The following PCLO variants were observed in gnomAD, a reference collection of about 807,000 sequenced individuals.
PCLO encodes the protein protein piccolo.
Under a neutral mutation model 427.5 loss-of-function variants are expected in PCLO, and 82 were observed. The ratio of observed to expected loss-of-function variants is 0.19; its 90% confidence interval spans 0.16 to 0.23. The LOEUF (loss-of-function observed/expected upper bound fraction) is 0.23. Among genes scored for constraint, PCLO ranks in the 10% least tolerant of loss-of-function variants. PCLO has a pLI of 1.00. For synonymous variants in PCLO, 2,357 were observed against 2,155.4 expected, an observed-to-expected ratio of 1.09 and a Z score of -2.59; for missense variants, 6,239 against 6,115.9, an observed-to-expected ratio of 1.02 and a Z score of -0.67.
chr7:82,978,610 T>C (rs1226974894), intron 3 of PCLO, among the ~76,000 whole-genome samples: 1 of 151,430 alleles, frequency 6.6e-6, no homozygotes, highest in East Asian at 1.9e-4. Context: ...TCATATGTAT[T>C]ATATGCATGA....
At chr7:83,072,096 AC>A (rs200400238) in intron 3 of PCLO, among the ~76,000 whole-genome samples, 3 of 151,960 alleles carry the variant, frequency 2.0e-5, no homozygotes, top group Non-Finnish European at 2.9e-5. Flanking sequence ...TTTCTAAAAA[AC>A]AATTATTTAT....
intron 10 of PCLO, among the ~76,000 whole-genome samples, chr7:82,853,331 C>T (rs1189205730): frequency 1.3e-5 from 2 of 152,150 alleles, no homozygotes; most frequent in East Asian, 3.9e-4. Context: ...TTCTCCAGAT[C>T]CTATTCTATG....
At chr7:82,988,859 A>G (rs1341440453) in intron 3 of PCLO, among the ~76,000 whole-genome samples, 1 of 149,630 alleles carries the variant, frequency 6.7e-6, no homozygotes, top group Non-Finnish European at 1.5e-5. Flanking sequence ...TTTGAGACGG[A>G]GTTTCGCTCT....
At chr7:82,858,094 A>T (rs1421036698) in intron 10 of PCLO, among the ~76,000 whole-genome samples, 1 of 152,186 alleles carries the variant, frequency 6.6e-6, no homozygotes, top group African/African-American at 2.4e-5. Flanking sequence ...TACTGAATTC[A>T]ACAGCGCATT....
At chr7:83,162,302 G>A (rs758972385) in intron 1 of PCLO, 43 bp downstream of exon 1, 1 of 1,543,672 alleles carries the variant, frequency 6.5e-7, no homozygotes, top group East Asian at 2.3e-5. Flanking sequence ...TGCACGGGAA[G>A]CTGTACATAT....
chr7:83,099,383 A>ATTTTTTTTTTTTTTTTTTTTTTTT lies in PCLO; in HGVS notation c.3300+34866_3300+34867insAAAAAAAAAAAAAAAAAAAAAAAA, dbSNP rs1479844135. On this transcript the variant is annotated intron_variant, in intron 3 of 24. Transcript: ENST00000333891. ...ACAAATATGTTTTAACATACAGTAG[A>ATTTTTTTTTTTTTTTTTTTTTTTT]TTTTTTTGTTTTTTTTTTTTTTGAG... Among the ~76,000 whole-genome samples, 2 of 109,840 alleles carry ATTTTTTTTTTTTTTTTTTTTTTTT rather than the reference A, an allele frequency of 1.8e-5. 1 individual carries two copies. The highest frequency in any genetic ancestry group is 3.6e-5 in the Non-Finnish European group (2 of 56,242). The allele number at this position is 109,840 out of a possible 152,430, so 72.1% of individuals were successfully genotyped here.
At chr7:83,066,463 T>C (rs1220606626) in intron 3 of PCLO, among the ~76,000 whole-genome samples, 1 of 152,098 alleles carries the variant, frequency 6.6e-6, no homozygotes, top group Non-Finnish European at 1.5e-5. Context: ...TGAACACACA[T>C]CTATAAATAC....
chr7:82,950,958 T>C lies in PCLO; in HGVS notation c.9630A>G (p.Gln3210=), dbSNP rs1795328784. Residue 3210 remains glutamine, a synonymous_variant, in exon 6 of 25, where the codon CAA becomes CAG. Transcript: ENST00000333891. ...ALLIVPEEDK[Q]QQQLDLEREL... ...CACGCTCCAAGTCTAGCTGCTGCTG[T>C]TGTTTATCTTCTTCAGGGACAATTA... 6.2e-7 allele frequency: 1 copy of C among 1,613,560 alleles called. No individual in the cohort carries two copies. The highest frequency in any genetic ancestry group is 8.5e-7 in the Non-Finnish European group (1 of 1,179,868).
At chr7:82,997,473 C>T (rs1018636247) in intron 3 of PCLO, among the ~76,000 whole-genome samples, 5 of 151,952 alleles carry the variant, frequency 3.3e-5, no homozygotes, top group African/African-American at 1.2e-4. Flanking sequence ...TCTGTCAAAT[C>T]TTAAATAAGT....
rs555281931 is a variant in PCLO at position 83,101,435 on chromosome 7, T to C, written c.3300+32815A>G. Reference sequence around the variant, plus strand: ...CATCACTAGTGATTTACCTACTAATTCTACATAGTTGGATATTCACCAATA... The same window carrying C: ...CATCACTAGTGATTTACCTACTAATCCTACATAGTTGGATATTCACCAATA... On this transcript the variant is annotated intron_variant, in intron 3 of 24. Coordinates refer to ENST00000333891, the MANE Select transcript of PCLO (RefSeq NM_033026.6). 2.0e-5 allele frequency among the ~76,000 whole-genome samples: 3 copies of C among 152,224 alleles called. No individual in the cohort carries two copies. In the East Asian group the frequency reaches 5.8e-4, roughly 29 times the overall value.
chr7:82,835,712 C>T lies in PCLO; in HGVS notation c.14223-19G>A, dbSNP rs748378376. 2.5e-5 allele frequency: 40 copies of T among 1,603,422 alleles called. No individual in the cohort carries two copies. In the East Asian group the frequency reaches 5.8e-4, roughly 23 times the overall value. On this transcript the variant is annotated intron_variant, in intron 15 of 24. Coordinates refer to ENST00000333891, the MANE Select transcript of PCLO (RefSeq NM_033026.6). Reference sequence around the variant, plus strand: ...GACTTGACTGCATTGATTCCAAGAGCGAGAGTGAAGGGGTAAAACAGGAAA... The same window carrying T: ...GACTTGACTGCATTGATTCCAAGAGTGAGAGTGAAGGGGTAAAACAGGAAA...
chr7:82,821,625 G>A (rs950022427), intron 20 of PCLO: 1 of 964,084 alleles, frequency 1.0e-6, no homozygotes, highest in African/African-American at 1.8e-5. Context: ...TTTCACAAAT[G>A]AAATGAAAAT....
At chr7:82,875,176 T>C (rs1241778017) in intron 10 of PCLO, among the ~76,000 whole-genome samples, 1 of 152,168 alleles carries the variant, frequency 6.6e-6, no homozygotes, top group Non-Finnish European at 1.5e-5. Context: ...TTCAAGTACT[T>C]GATTCTCTGA....
intron 20 of PCLO, among the ~76,000 whole-genome samples, chr7:82,806,867 A>C (rs6975132): frequency 0.49 from 74,116 of 151,840 alleles, 18,863 homozygotes; most frequent in East Asian, 0.85. Flanking sequence ...TTGCCACATC[A>C]CCACTCTTCT....
At chr7:83,128,252 G>A (rs926912948) in intron 3 of PCLO, among the ~76,000 whole-genome samples, 1 of 151,966 alleles carries the variant, frequency 6.6e-6, no homozygotes, top group Non-Finnish European at 1.5e-5. Flanking sequence ...GATAAGGTGG[G>A]AGAGTGTAAC....
Position 82,879,401 on chromosome 7 carries a change from A to C in PCLO, c.13590T>G (p.Ile4530Met), listed in dbSNP as rs749861396. 7.4e-6 allele frequency: 12 copies of C among 1,610,862 alleles called. No individual in the cohort carries two copies. Among genetic ancestry groups the C allele is most frequent in the Non-Finnish European group, 1.0e-5 (12 of 1,177,708 alleles). ...GKEIPGHSGE[I>M]GAYIAKILPG... ...GAAGAATCTTGGCAATATAGGCTCCAATTTCTCCACTATGTCCCGGGATTT... is the reference window on the plus strand; with the variant it reads ...GAAGAATCTTGGCAATATAGGCTCCCATTTCTCCACTATGTCCCGGGATTT... The change falls in exon 10 of 25, where the codon ATT (isoleucine) becomes ATG (methionine). Residue 4530 changes from isoleucine to methionine, a missense_variant. By Grantham distance (10) the Ile-to-Met change is conservative. Around this residue, in one of 5 missense-constraint regions of PCLO, gnomAD observed 877 missense variants for 925.5 expected, o/e 0.95. Transcript: ENST00000333891.
chr7:83,032,009 A>G (rs1198112156), intron 3 of PCLO, among the ~76,000 whole-genome samples: 1 of 152,066 alleles, frequency 6.6e-6, no homozygotes, highest in Admixed American at 6.6e-5. Context: ...TAGATGTAGG[A>G]CTGGTTTTGT....
At chr7:82,775,053 A>G (rs1383744972) in intron 22 of PCLO, among the ~76,000 whole-genome samples, 2 of 152,122 alleles carry the variant, frequency 1.3e-5, no homozygotes, top group East Asian at 1.9e-4. Context: ...CATGTCTTTC[A>G]TAGCTTTATA....
At chr7:83,093,504 T>C in intron 3 of PCLO, among the ~76,000 whole-genome samples, 1 of 108,382 alleles carries the variant, frequency 9.2e-6, no homozygotes, top group Non-Finnish European at 2.0e-5. Flanking sequence ...TTTTTTTTTT[T>C]TTTTTTGAGA....
Sources: allele counts gnomAD v4.1 joint callset (sites outside exome capture counted in the v4.1 genomes callset), GRCh38; gene constraint gnomAD v4.1.1; regional missense constraint gnomAD v4.1.1; transcripts MANE v1.5; gene names NCBI Gene and HGNC (gene_info 2026-07-23, HGNC 2026-07-21).